PDE1C: variants seen among roughly 807,000 people sequenced by gnomAD.
The protein encoded by PDE1C is phosphodiesterase 1C, also known as dual specificity calcium/calmodulin-dependent 3',5'-cyclic nucleotide phosphodiesterase 1C.
A neutral mutation model predicts 93.1 loss-of-function variants in PDE1C; 62 were observed. The observed-to-expected ratio is 0.67, with a 90% CI of 0.54 to 0.82. PDE1C has a LOEUF of 0.82. Ranked by LOEUF, PDE1C falls within the 40% of genes least tolerant of loss-of-function variation. The probability of loss-of-function intolerance (pLI) is 0.00; values close to 1 mark genes in which losing one functional copy is unlikely to be tolerated. For missense variants in PDE1C, 742 were observed against 884.6 expected, an observed-to-expected ratio of 0.84 and a Z score of 2.04; for synonymous variants, 325 against 310.1, an observed-to-expected ratio of 1.05 and a Z score of -0.50.
chr7:31,983,429 C>T (rs1287765756), intron 2 of PDE1C, among the ~76,000 whole-genome samples: 1 of 152,146 alleles, frequency 6.6e-6, no homozygotes, highest in Non-Finnish European at 1.5e-5. Context: ...CTCCCTAAAA[C>T]ACCACAGAAA....
Position 32,272,408 on chromosome 7 carries a change from C to T in PDE1C, c.85+26243G>A, listed in dbSNP as rs78260283. On this transcript the variant is annotated intron_variant, in intron 1 of 18. Transcript: ENST00000396193. ...CAAGGGAATTTCAGAAAAAAAGTGA[C>T]GTCTCATTGAACTAATGAAGATGTC... Among the ~76,000 whole-genome samples the T allele has an allele frequency of 2.6e-4, 39 of 152,310 alleles. No homozygotes were observed. In the East Asian group the frequency reaches 6.6e-3, roughly 26 times the overall value.
chr7:32,179,602 G>T (rs1803252615), intron 2 of PDE1C, among the ~76,000 whole-genome samples: 1 of 152,144 alleles, frequency 6.6e-6, no homozygotes, highest in African/African-American at 2.4e-5. Context: ...TCAGGCTGCA[G>T]GGGAGGATAA....
the PDE1C span, among the ~76,000 whole-genome samples, chr7:31,730,684 C>A: frequency 4.6e-5 from 7 of 152,056 alleles, no homozygotes; most frequent in Non-Finnish European, 1.0e-4. Context: ...TCGTTTCTGT[C>A]CTTGATGAGC....
intron 3 of PDE1C, among the ~76,000 whole-genome samples, chr7:32,133,935 ATATATT>A (rs1800066131): frequency 6.6e-6 from 1 of 151,820 alleles, no homozygotes; most frequent in African/African-American, 2.4e-5. Flanking sequence ...TAAATATAAA[ATATATT>A]TATATCTTAT....
intron 11 of PDE1C, among the ~76,000 whole-genome samples, chr7:31,832,931 C>T (rs370579558): frequency 1.2e-4 from 18 of 152,230 alleles, no homozygotes; most frequent in East Asian, 3.9e-4. Context: ...TCTATCCTTT[C>T]GCCATGGACC....
intron 2 of PDE1C, among the ~76,000 whole-genome samples, chr7:32,043,294 G>A (rs547585258): frequency 3.9e-5 from 6 of 152,236 alleles, no homozygotes; most frequent in African/African-American, 9.6e-5. Context: ...CCAGCATGGC[G>A]GCCCTCACTA....
In PDE1C at chr7:31,824,965, T is replaced by C. The variant is rs1445017059; in HGVS notation, c.1308A>G (p.Glu436=). The C allele has an allele frequency of 1.2e-6, 2 of 1,613,094 alleles. No individual in the cohort carries two copies. Among genetic ancestry groups the C allele is most frequent in the Non-Finnish European group, 1.7e-6 (2 of 1,179,448 alleles). The change falls in exon 13 of 18, where the codon GAA becomes GAG. Residue 436 remains glutamate (E), a synonymous_variant. Coordinates refer to ENST00000396191, the MANE Select transcript of PDE1C (RefSeq NM_001191057.4). ...SQVGFIDFIV[E]PTFTVLTDMT... The stretch of plus-strand genomic sequence containing the variant: ...TGTCCGTAAGCACAGTGAAGGTGGG[T>C]TCCACGATGAAATCAATGAAACCTG...
intron 2 of PDE1C, among the ~76,000 whole-genome samples, chr7:31,939,759 A>G (rs916774645): frequency 1.3e-5 from 2 of 152,196 alleles, no homozygotes; most frequent in Admixed American, 1.3e-4. Flanking sequence ...TCAAGATAAT[A>G]CAAAGAAAGG....
At chr7:32,027,497 C>T (rs1358382296) in intron 2 of PDE1C, among the ~76,000 whole-genome samples, 3 of 148,446 alleles carry the variant, frequency 2.0e-5, no homozygotes, top group African/African-American at 7.4e-5. Flanking sequence ...TAGAAGAATG[C>T]TAAATTTACC....
chr7:32,149,614 T>G (rs554065949), intron 3 of PDE1C, among the ~76,000 whole-genome samples: 4 of 152,200 alleles, frequency 2.6e-5, no homozygotes, highest in Non-Finnish European at 2.9e-5. Context: ...ACATTTATAA[T>G]TTTTTTATAT....
intron 2 of PDE1C, among the ~76,000 whole-genome samples, chr7:31,916,867 G>A (rs113593739): frequency 6.6e-6 from 1 of 152,286 alleles, no homozygotes; most frequent in African/African-American, 2.4e-5. Flanking sequence ...CCCCTTTCTG[G>A]AGGCAATGGA....
intron 16 of PDE1C, among the ~76,000 whole-genome samples, chr7:31,777,496 T>G (rs1159801170): frequency 6.6e-6 from 1 of 151,982 alleles, no homozygotes; most frequent in Non-Finnish European, 1.5e-5. Flanking sequence ...GCCTGGCTAA[T>G]TTTTGTAGTT....
intron 2 of PDE1C, among the ~76,000 whole-genome samples, chr7:31,930,323 C>G (rs1584031037): frequency 6.6e-6 from 1 of 152,240 alleles, no homozygotes; most frequent in Non-Finnish European, 1.5e-5. Flanking sequence ...CAAATTCCAC[C>G]AGAGGTACAA....
At chr7:31,818,619 AGAG>A (rs1277500699) in intron 14 of PDE1C, among the ~76,000 whole-genome samples, 6 of 149,488 alleles carry the variant, frequency 4.0e-5, no homozygotes, top group Admixed American at 3.4e-4. Flanking sequence ...TTATTCTGAA[AGAG>A]TAGTCATTTG....
chr7:31,929,338 G>C (rs1450510822), intron 2 of PDE1C, among the ~76,000 whole-genome samples: 1 of 152,060 alleles, frequency 6.6e-6, no homozygotes, highest in Non-Finnish European at 1.5e-5. Context: ...CAATAATAGT[G>C]GGAGACTTTA....
Position 32,135,118 on chromosome 7 carries a change from C to T in PDE1C, c.308+34667G>A, listed in dbSNP as rs189222620. Among the ~76,000 whole-genome samples the T allele has an allele frequency of 8.5e-5, 13 of 152,174 alleles. No individual in the cohort carries two copies. The East Asian group carries it at 1.5e-3, about 18-fold the overall frequency. On this transcript the variant is annotated intron_variant, in intron 3 of 18. Coordinates refer to the PDE1C transcript ENST00000396193. ...GAAAGAAAAGAAGGCCAACAAGAGACAAAGACTTCCTGGGCACCACCTCCC... is the reference window on the plus strand; with the variant it reads ...GAAAGAAAAGAAGGCCAACAAGAGATAAAGACTTCCTGGGCACCACCTCCC...
At chr7:31,688,119 T>C in the PDE1C span, among the ~76,000 whole-genome samples, 1 of 152,278 alleles carries the variant, frequency 6.6e-6, no homozygotes, top group Admixed American at 6.5e-5. Flanking sequence ...AGAAGGTCCC[T>C]CACACTCACG....
At chr7:32,016,018 A>C (rs4723122) in intron 2 of PDE1C, among the ~76,000 whole-genome samples, 17,485 of 152,192 alleles carry the variant, frequency 0.11, 1,282 homozygotes, top group East Asian at 0.32. Context: ...ATGTCAGTTT[A>C]CTATTGTTAT....
intron 1 of PDE1C, among the ~76,000 whole-genome samples, chr7:32,415,137 C>A (rs1785247880): frequency 6.6e-6 from 1 of 152,244 alleles, no homozygotes; most frequent in South Asian, 2.1e-4. Context: ...GGCAACCTAG[C>A]AAGACTCCTG....
Sources: gnomAD v4.1 joint callset for allele counts (sites outside exome capture counted in the v4.1 genomes callset) on GRCh38, gnomAD v4.1.1 for gene constraint, MANE v1.5 for transcripts, NCBI Gene and HGNC (gene_info 2026-07-23, HGNC 2026-07-21) for gene names.